Variants in UNC45B observed in about 807,000 individuals in gnomAD.
UNC45B encodes unc-45 myosin chaperone B, also known as protein unc-45 homolog B.
Under a neutral mutation model 98.7 loss-of-function variants are expected in UNC45B, and 78 were observed. The ratio of observed to expected loss-of-function variants is 0.79; its 90% CI spans 0.66 to 0.95. The LOEUF is 0.95. Among genes scored for constraint, UNC45B ranks in the 40% least tolerant of loss-of-function variants. The pLI is 0.00. For synonymous variants in UNC45B, 462 were observed against 480.4 expected (o/e 0.96, Z 0.50); for missense variants, 1,225 against 1,184.9 (o/e 1.03, Z -0.50).
intron 17 of UNC45B, among the ~76,000 whole-genome samples, chr17:35,179,047 T>G (rs2092255898): frequency 6.6e-6 from 1 of 152,252 alleles, no homozygotes; most frequent in Non-Finnish European, 1.5e-5. Flanking sequence ...TGCTCTTTCT[T>G]GGTTCCATAT....
At chr17:35,176,952 C>A in intron 15 of UNC45B, 65 bp from the exon 16 acceptor site, 3 of 1,296,688 alleles carry the variant, frequency 2.3e-6, no homozygotes, top group African/African-American at 1.5e-5. Context: ...GCACCTGGAG[C>A]AGGAGGATAG....
chr17:35,150,345 G>T, intron 4 of UNC45B, 122 bp downstream of exon 4: 1 of 1,100,832 alleles, frequency 9.1e-7, no homozygotes. Flanking sequence ...CTCTGAGATA[G>T]AGACAGCAAG....
intron 16 of UNC45B, 93 bp downstream of exon 16, chr17:35,177,223 C>T: frequency 2.5e-6 from 3 of 1,198,682 alleles, no homozygotes; most frequent in Admixed American, 4.2e-5. Context: ...GAGCCTGGGA[C>T]AGGGGCATGG....
At position 35,153,711 on chromosome 17, in the gene UNC45B, GT is replaced by G. The variant is rs74268004; in HGVS notation, c.471+742del. Reference sequence around the variant, plus strand: ...TTGGTTTGTTTTTTTTGTTTATTTGGTTTTTTTTTTTTTGGAAAAGTACAAA... The same window carrying G: ...TTGGTTTGTTTTTTTTGTTTATTTGGTTTTTTTTTTTTGGAAAAGTACAAA... On this transcript the variant is annotated intron_variant, in intron 5 of 19. Coordinates refer to ENST00000394570, the MANE Select transcript of UNC45B (RefSeq NM_001267052.2). Among the ~76,000 whole-genome samples the G allele has an allele frequency of 3.1e-3, 428 of 139,638 alleles. 2 individuals are homozygous for G. Among genetic ancestry groups the G allele is most frequent in the African/African-American group, 9.0e-3 (346 of 38,362 alleles). The allele number at this position is 139,638 out of a possible 152,430, so 91.6% of individuals were successfully genotyped here.
chr17:35,171,370 T>G lies in UNC45B; in HGVS notation c.1738T>G (p.Cys580Gly), dbSNP rs764131485. The G allele has an allele frequency of 4.7e-5, 76 of 1,614,084 alleles. No homozygotes were observed. Among genetic ancestry groups the G allele is most frequent in the Non-Finnish European group, 6.3e-5 (74 of 1,180,032 alleles). ...CTCGGTGGCCACCACCCTGGTGAACTGCACCAACAGCTACGATGTCAAGGA... is the reference window on the plus strand; with the variant it reads ...CTCGGTGGCCACCACCCTGGTGAACGGCACCAACAGCTACGATGTCAAGGA... ...LYSVATTLVNCTNSYDVKEVI... is the reference protein window; with the variant it reads ...LYSVATTLVNGTNSYDVKEVI... Residue 580 changes from cysteine (C) to glycine (G), a missense_variant, in exon 13 of 20, where the codon TGC (cysteine) becomes GGC (glycine). By Grantham distance (159) the Cys-to-Gly change is radical. Transcript: ENST00000394570.
chr17:35,183,405 G>A, intron 18 of UNC45B, 22 bp from the exon 19 acceptor site: 2 of 1,521,122 alleles, frequency 1.3e-6, no homozygotes, highest in Non-Finnish European at 1.8e-6. Context: ...TTTTCTCTGA[G>A]CCATGTTCCT....
In UNC45B at chr17:35,164,023, G is replaced by T. The variant is rs781343218; in HGVS notation, c.1008G>T (p.Gly336=). 1 of 1,613,698 alleles carries T rather than the reference G, an allele frequency of 6.2e-7. No individual in the cohort carries two copies. Among genetic ancestry groups the T allele is most frequent in the South Asian group, 1.1e-5 (1 of 91,012 alleles). The stretch of plus-strand genomic sequence containing the variant: ...TGAGGAAGATCCTGAAGGTTGTGGG[G>T]CAGGTTCCAGATCTGCCATCCTGCC... ...NGLRKILKVV[G]QVPDLPSCLP... The change falls in exon 9 of 20, where the codon GGG becomes GGT. Residue 336 remains glycine (G), a synonymous_variant. Coordinates refer to ENST00000394570, the MANE Select transcript of UNC45B (RefSeq NM_001267052.2).
In UNC45B at chr17:35,179,347, C is replaced by T. The variant is rs182326746; in HGVS notation, c.2256-1212C>T. Among the ~76,000 whole-genome samples the T allele has an allele frequency of 3.5e-3, 537 of 152,230 alleles. 2 individuals are homozygous for T. Among genetic ancestry groups the T allele is most frequent in the Non-Finnish European group, 5.8e-3 (396 of 68,018 alleles). On this transcript the variant is annotated intron_variant, in intron 17 of 19. Transcript: ENST00000394570. ...GAATGGGAGTTCACTCATGATTTGG[C>T]TCTCAAGGATCTAGAACTAGAAATA... is the stretch of plus-strand genomic sequence containing the variant.
intron 8 of UNC45B, among the ~76,000 whole-genome samples, chr17:35,163,334 T>C (rs2092114883): frequency 6.6e-6 from 1 of 152,192 alleles, no homozygotes; most frequent in Non-Finnish European, 1.5e-5. Context: ...GTCAGGGTTG[T>C]ATCTGTTATT....
At chr17:35,185,410 C>T (rs1416782551) in intron 19 of UNC45B, among the ~76,000 whole-genome samples, 1 of 152,010 alleles carries the variant, frequency 6.6e-6, no homozygotes, top group Non-Finnish European at 1.5e-5. Context: ...TGGGTTCAAG[C>T]GATTCTCCTG....
At chr17:35,170,013 T>C (rs1822375237) in intron 11 of UNC45B, 82 bp downstream of exon 11, 2 of 1,607,540 alleles carry the variant, frequency 1.2e-6, no homozygotes, top group African/African-American at 1.3e-5. Flanking sequence ...TCTAGTGGAG[T>C]GTGAAAGGGA....
chr17:35,162,197 T>TTATA (rs2092106977), intron 8 of UNC45B, among the ~76,000 whole-genome samples: 1 of 152,086 alleles, frequency 6.6e-6, no homozygotes, highest in South Asian at 2.1e-4. Flanking sequence ...AATCTCTGAT[T>TTATA]TATAGTTGGC....
intron 5 of UNC45B, 122 bp from the exon 6 acceptor site, chr17:35,154,452 A>T: frequency 1.1e-6 from 1 of 894,274 alleles, no homozygotes; most frequent in Non-Finnish European, 1.7e-6. Flanking sequence ...TACCAAGGTG[A>T]GATAATAGAA....
intron 5 of UNC45B, 36 bp from the exon 6 acceptor site, chr17:35,154,538 C>G: frequency 6.3e-7 from 1 of 1,598,236 alleles, no homozygotes; most frequent in Non-Finnish European, 8.5e-7. Context: ...GTGGCCGTAC[C>G]TCCCTCGTAA....
intron 7 of UNC45B, among the ~76,000 whole-genome samples, chr17:35,157,713 A>G (rs1194436156): frequency 6.6e-6 from 1 of 152,226 alleles, no homozygotes; most frequent in African/African-American, 2.4e-5. Context: ...ATATTTGCCT[A>G]TCCAGTAGAT....
chr17:35,151,201 T>G (rs773569490), intron 4 of UNC45B: 1 of 303,616 alleles, frequency 3.3e-6, no homozygotes, highest in East Asian at 1.4e-4. Context: ...TTTCTTTTCC[T>G]CCGCTGACAA....
chr17:35,175,548 G>A (rs948455821), intron 14 of UNC45B, among the ~76,000 whole-genome samples: 5 of 152,204 alleles, frequency 3.3e-5, no homozygotes, highest in Admixed American at 2.6e-4. Context: ...AAGACACTGA[G>A]GATGGAGAGA....
Position 35,150,172 on chromosome 17 carries a change from C to T in UNC45B, c.330C>T (p.Asn110=). The change falls in exon 4 of 20, where the codon AAC becomes AAT. Residue 110 remains asparagine (N), a synonymous_variant. Coordinates refer to ENST00000394570, the MANE Select transcript of UNC45B (RefSeq NM_001267052.2). The part of the protein sequence containing the change: ...VQRCATLEPR[N]QNFQEMLRRL... ...GTTGTGCCACCCTCGAGCCACGGAA[C>T]CAGAACTTCCAGGAGATGCTGAGGA... The T allele has an allele frequency of 4.3e-6, 7 of 1,613,718 alleles. No homozygotes were observed. The highest frequency in any genetic ancestry group is 5.1e-6 in the Non-Finnish European group (6 of 1,179,778).
chr17:35,183,697 G>A (rs1410139948), intron 19 of UNC45B, 115 bp downstream of exon 19: 2 of 1,170,738 alleles, frequency 1.7e-6, no homozygotes, highest in Non-Finnish European at 2.2e-6. Flanking sequence ...ACCCCTCGCA[G>A]CCCCCAGGCT....
Sources: allele counts gnomAD v4.1 joint callset (sites outside exome capture counted in the v4.1 genomes callset), GRCh38; gene constraint gnomAD v4.1.1; transcripts MANE v1.5; gene names NCBI Gene and HGNC (gene_info 2026-07-23, HGNC 2026-07-21).